The following FHIT variants were observed in gnomAD, a reference collection of about 807,000 sequenced individuals.
FHIT encodes bis(5'-adenosyl)-triphosphatase.
A neutral mutation model predicts 17.9 loss-of-function variants in FHIT; 19 were observed. The ratio of observed to expected loss-of-function variants is 1.06; its 90% CI spans 0.74 to 1.56. The LOEUF is 1.56. FHIT is among the 40% of genes most tolerant of loss of function. The pLI, the probability that FHIT is intolerant of heterozygous loss-of-function variation, is 0.00. For missense variants in FHIT, 248 were observed against 189.2 expected (o/e 1.31, Z -1.82); for synonymous variants, 81 against 69.7 (o/e 1.16, Z -0.81).
chr3:60,961,496 C>A (rs1709441099), intron 3 of FHIT, among the ~76,000 whole-genome samples: 1 of 152,078 alleles, frequency 6.6e-6, no homozygotes, highest in South Asian at 2.1e-4. Context: ...AGTCATAAAG[C>A]CCTTACCCAT....
intron 7 of FHIT, among the ~76,000 whole-genome samples, chr3:59,967,121 T>TGTC (rs1409390149): frequency 6.6e-6 from 1 of 152,264 alleles, no homozygotes; most frequent in East Asian, 1.9e-4. Flanking sequence ...CTCTCTTCTA[T>TGTC]GTCCACATCT....
At chr3:60,290,390 C>T (rs1380015654) in intron 5 of FHIT, among the ~76,000 whole-genome samples, 1 of 152,000 alleles carries the variant, frequency 6.6e-6, no homozygotes, top group East Asian at 2.0e-4. Context: ...ACTGTGACTT[C>T]ATCCTTTTCA....
intron 2 of FHIT, among the ~76,000 whole-genome samples, chr3:61,197,696 T>G (rs1343760259): frequency 6.6e-6 from 1 of 152,136 alleles, no homozygotes; most frequent in Non-Finnish European, 1.5e-5. Context: ...AAATAAAAAT[T>G]CAGGGAAAAG....
At chr3:60,286,170 G>A (rs901511354) in intron 5 of FHIT, among the ~76,000 whole-genome samples, 1 of 152,188 alleles carries the variant, frequency 6.6e-6, no homozygotes, top group African/African-American at 2.4e-5. Context: ...TCCACCTCCT[G>A]ATAGTGTATG....
chr3:60,558,775 GA>G (rs1559538724), intron 4 of FHIT, among the ~76,000 whole-genome samples: 1 of 152,122 alleles, frequency 6.6e-6, no homozygotes, highest in Non-Finnish European at 1.5e-5. Flanking sequence ...GGCATTAACA[GA>G]ATCTTTTAGA....
intron 5 of FHIT, among the ~76,000 whole-genome samples, chr3:60,191,980 C>G (rs144041680): frequency 0.016 from 2,465 of 152,130 alleles, 29 homozygotes; most frequent in Non-Finnish European, 0.023. Flanking sequence ...GGTGTGGTGG[C>G]TCACACCTGT....
chr3:59,939,674 G>T (rs1706415954), intron 7 of FHIT, among the ~76,000 whole-genome samples: 1 of 152,318 alleles, frequency 6.6e-6, no homozygotes, highest in East Asian at 1.9e-4. Context: ...CCTGGCTACA[G>T]CCAACTCAGG....
At chr3:60,462,174 AC>A (rs575004737) in intron 5 of FHIT, among the ~76,000 whole-genome samples, 60 of 152,340 alleles carry the variant, frequency 3.9e-4, no homozygotes, top group African/African-American at 1.4e-3. Context: ...GATGATCATT[AC>A]ATCAAATATT....
chr3:59,834,512 C>T (rs1701273984), intron 8 of FHIT, among the ~76,000 whole-genome samples: 1 of 152,180 alleles, frequency 6.6e-6, no homozygotes, highest in Non-Finnish European at 1.5e-5. Context: ...ACTTCTCACA[C>T]TTCTGGAGGC....
At chr3:60,455,243 G>C (rs900720543) in intron 5 of FHIT, among the ~76,000 whole-genome samples, 1 of 152,094 alleles carries the variant, frequency 6.6e-6, no homozygotes, top group Admixed American at 6.5e-5. Context: ...TTTTCATTAT[G>C]ATCAGACAAG....
chr3:59,990,643 TTAA>T (rs1325112152), intron 7 of FHIT, among the ~76,000 whole-genome samples: 3 of 152,004 alleles, frequency 2.0e-5, no homozygotes, highest in Non-Finnish European at 4.4e-5. Flanking sequence ...GAAGAAATAA[TTAA>T]TAATAATCCA....
intron 5 of FHIT, among the ~76,000 whole-genome samples, chr3:60,317,541 A>G (rs1317599368): frequency 6.7e-6 from 1 of 149,150 alleles, no homozygotes. Flanking sequence ...ATGCTAATAT[A>G]TTGGAAATAT....
intron 5 of FHIT, among the ~76,000 whole-genome samples, chr3:60,260,298 A>G (rs1267637228): frequency 6.6e-6 from 1 of 152,006 alleles, no homozygotes. Flanking sequence ...GATATTTAAA[A>G]GCCTCAGTTA....
intron 5 of FHIT, among the ~76,000 whole-genome samples, chr3:60,277,071 A>T (rs17399247): frequency 0.24 from 36,151 of 152,044 alleles, 5,119 homozygotes; most frequent in Non-Finnish European, 0.31. Flanking sequence ...CTTAAAAAAA[A>T]TCTTGCTGAC....
intron 4 of FHIT, among the ~76,000 whole-genome samples, chr3:60,573,958 C>T (rs2107667988): frequency 6.6e-6 from 1 of 152,070 alleles, no homozygotes. Flanking sequence ...TACAGGCAAG[C>T]ACCACCACAC....
At chr3:59,857,770 G>A (rs919128963) in intron 8 of FHIT, among the ~76,000 whole-genome samples, 1 of 141,898 alleles carries the variant, frequency 7.0e-6, no homozygotes, top group African/African-American at 2.7e-5. Flanking sequence ...GGTGCCTTGG[G>A]AAGGAAAACA....
intron 5 of FHIT, among the ~76,000 whole-genome samples, chr3:60,467,761 C>T (rs1559938796): frequency 6.6e-6 from 1 of 151,924 alleles, no homozygotes; most frequent in Non-Finnish European, 1.5e-5. Flanking sequence ...GAGAATGATC[C>T]ATGAGCTGAA....
intron 5 of FHIT, among the ~76,000 whole-genome samples, chr3:60,407,770 G>T (rs1349099799): frequency 6.6e-6 from 1 of 152,068 alleles, no homozygotes; most frequent in Non-Finnish European, 1.5e-5. Flanking sequence ...GCCCACCTTG[G>T]GCTCCCAAAG....
intron 7 of FHIT, among the ~76,000 whole-genome samples, chr3:59,936,566 G>A (rs1393594863): frequency 6.6e-6 from 1 of 152,126 alleles, no homozygotes; most frequent in Non-Finnish European, 1.5e-5. Context: ...CAGCTCTGTG[G>A]CTTTTTCAGA....
Sources: gnomAD v4.1 joint callset for allele counts (sites outside exome capture counted in the v4.1 genomes callset) on GRCh38, gnomAD v4.1.1 for gene constraint, MANE v1.5 for transcripts, NCBI Gene and HGNC (gene_info 2026-07-23, HGNC 2026-07-21) for gene names.